Variants in TPPP observed in about 807,000 individuals in gnomAD.
The protein encoded by TPPP is tubulin polymerization-promoting protein.
In TPPP, 6 loss-of-function variants were observed where a neutral mutation model predicts 15.5. The ratio of observed to expected loss-of-function variants is 0.39; its 90% CI spans 0.21 to 0.77. The LOEUF is 0.77. Among genes scored for constraint, TPPP ranks in the 30% least tolerant of loss-of-function variants. The pLI, the probability that TPPP is intolerant of heterozygous loss-of-function variation, is 0.42. For synonymous variants in TPPP, 146 were observed against 133.9 expected, an observed-to-expected ratio of 1.09 and a Z score of -0.63; for missense variants, 269 against 307.2, an observed-to-expected ratio of 0.88 and a Z score of 0.93.
chr5:682,356 G>A (rs1236406525), intron 1 of TPPP, among the ~76,000 whole-genome samples: 2 of 143,922 alleles, frequency 1.4e-5, no homozygotes, highest in African/African-American at 2.9e-5. Context: ...CCTGGAGCCT[G>A]TTACTAGGGC....
intron 2 of TPPP, 62 bp downstream of exon 2, chr5:677,688 G>A: frequency 6.8e-7 from 1 of 1,467,870 alleles, no homozygotes; most frequent in South Asian, 1.3e-5. Context: ...ACCCACCCAG[G>A]GGCTCAGGGC....
rs763440458 is a variant in TPPP at position 668,586 on chromosome 5, G to A, written c.312-2463C>T. ...GGCACCTCGAGCTGAGCAGGCCGCGGGGTGGGGGCCTCGTCCACACCCGGC... is the reference window on the plus strand; with the variant it reads ...GGCACCTCGAGCTGAGCAGGCCGCGAGGTGGGGGCCTCGTCCACACCCGGC... On this transcript the variant is annotated intron_variant, in intron 2 of 3. Transcript: ENST00000360578. 1.7e-3 allele frequency among the ~76,000 whole-genome samples: 262 copies of A among 152,388 alleles called. 2 individuals are homozygous for A. Among genetic ancestry groups the A allele is most frequent in the Non-Finnish European group, 3.0e-3 (201 of 68,030 alleles).
chr5:660,657 A>G lies in TPPP; in HGVS notation c.*4445T>C, dbSNP rs899914688. On this transcript the variant is annotated 3_prime_UTR_variant, in exon 4 of 4. Transcript: ENST00000360578. ...AGGGACAGGTAAGTGTCCAGGGCCA[A>G]GGCATCTCCATCTCAACTCCTCCCC... is the stretch of plus-strand genomic sequence containing the variant. 4 of 152,460 alleles carry G rather than the reference A, an allele frequency of 2.6e-5. No homozygotes were observed. Among genetic ancestry groups the G allele is most frequent in the African/African-American group, 9.6e-5 (4 of 41,570 alleles). The allele number at this position is 152,460 out of a possible 1,614,324, so 9.4% of individuals were successfully genotyped here. A position where few individuals can be genotyped will look rare whatever the true frequency, so the allele number is the denominator to read the frequency against.
chr5:682,763 C>T (rs964921219), intron 1 of TPPP, among the ~76,000 whole-genome samples: 4 of 152,190 alleles, frequency 2.6e-5, no homozygotes, highest in Non-Finnish European at 4.4e-5. Flanking sequence ...GCGGGGGTGG[C>T]GCCGACAGAG....
intron 1 of TPPP, among the ~76,000 whole-genome samples, chr5:678,708 C>T (rs376019751): frequency 1.3e-5 from 2 of 151,896 alleles, no homozygotes; most frequent in African/African-American, 2.4e-5. Context: ...GGGGAGGGGA[C>T]TGCCAGTGTG....
upstream of TPPP, among the ~76,000 whole-genome samples, chr5:696,994 C>T (rs923784435): frequency 4.9e-5 from 7 of 143,186 alleles, no homozygotes; most frequent in Non-Finnish European, 7.8e-5. Context: ...GTGCATGTGT[C>T]TGTGTGCCTG....
intron 2 of TPPP, chr5:675,747 G>A (rs1437207411): frequency 6.5e-6 from 1 of 153,304 alleles, no homozygotes; most frequent in Non-Finnish European, 1.5e-5. Context: ...GGGCCCCAGG[G>A]ATGAGTGGTC....
intron 2 of TPPP, among the ~76,000 whole-genome samples, chr5:669,536 C>CCA (rs1358553201): frequency 1.3e-5 from 2 of 152,258 alleles, no homozygotes; most frequent in East Asian, 3.9e-4. Flanking sequence ...TCTTCTATTC[C>CCA]CACCCTGCCC....
In TPPP at chr5:665,519, C is replaced by T. The variant is rs562948253; in HGVS notation, c.466-223G>A. ...CAACCCTAACAATTGCCCAGGTCCACCTGGTGTTTATGTAGTTGGGGACCC... is the reference window on the plus strand; with the variant it reads ...CAACCCTAACAATTGCCCAGGTCCATCTGGTGTTTATGTAGTTGGGGACCC... On this transcript the variant is annotated intron_variant, in intron 3 of 3. Coordinates refer to ENST00000360578, the MANE Select transcript of TPPP (RefSeq NM_007030.3). Among the ~76,000 whole-genome samples the T allele has an allele frequency of 2.8e-4, 43 of 152,174 alleles. 1 individual carries two copies. The South Asian group carries it at 2.9e-3, about 10-fold the overall frequency.
In TPPP at chr5:664,976, C is replaced by G; in HGVS notation, c.*126G>C. On this transcript the variant is annotated 3_prime_UTR_variant, in exon 4 of 4. Transcript: ENST00000360578. ...AGGAGGGAGGCCTGGGCCTGGCCGC[C>G]CCCCAGCCCCCTCTGGGGCACCCGT... 1 of 1,193,406 alleles carries G rather than the reference C, an allele frequency of 8.4e-7. No homozygotes were observed. Among genetic ancestry groups the G allele is most frequent in the South Asian group, 1.5e-5 (1 of 66,880 alleles). The allele number at this position is 1,193,406 out of a possible 1,614,324, so 73.9% of individuals were successfully genotyped here.
chr5:698,521 C>A, the TPPP span, among the ~76,000 whole-genome samples: 9 of 152,020 alleles, frequency 5.9e-5, no homozygotes, highest in East Asian at 5.8e-4. Flanking sequence ...GGGAGGCCTC[C>A]CAGTCATGGT....
At chr5:666,193 T>C in intron 2 of TPPP, 70 bp from the exon 3 acceptor site, 5 of 1,548,922 alleles carry the variant, frequency 3.2e-6, no homozygotes, top group Non-Finnish European at 4.4e-6. Flanking sequence ...CGCGTGGGTC[T>C]GAGCAGAGCT....
At chr5:693,700 G>A (rs1709529), upstream of TPPP, among the ~76,000 whole-genome samples, 2 of 148,918 alleles carry the variant, frequency 1.3e-5, no homozygotes, top group African/African-American at 5.0e-5. Flanking sequence ...CGATCTCTCC[G>A]CCCCGCAGGA....
At chr5:672,478 C>T (rs11740553) in intron 2 of TPPP, among the ~76,000 whole-genome samples, 18,801 of 152,366 alleles carry the variant, frequency 0.12, 1,488 homozygotes, top group Non-Finnish European at 0.18. Flanking sequence ...CCAGCTGAGA[C>T]CGCAGCCCAG....
chr5:669,655 G>T (rs766426894), intron 2 of TPPP, among the ~76,000 whole-genome samples: 3 of 152,132 alleles, frequency 2.0e-5, no homozygotes, highest in Admixed American at 6.5e-5. Context: ...TGAGTCACTC[G>T]GCGGGAGGGG....
chr5:665,376 CA>C, intron 3 of TPPP, 80 bp from the exon 4 acceptor site: 1 of 1,377,198 alleles, frequency 7.3e-7, no homozygotes, highest in Admixed American at 2.1e-5. Flanking sequence ...GTGCCCTGGG[CA>C]GGTCTCCCAG....
At chr5:669,340 T>C (rs1254682067) in intron 2 of TPPP, among the ~76,000 whole-genome samples, 1 of 151,770 alleles carries the variant, frequency 6.6e-6, no homozygotes, top group African/African-American at 2.4e-5. Flanking sequence ...GTGTTGGGGG[T>C]GGATTTAGCC....
intron 1 of TPPP, among the ~76,000 whole-genome samples, chr5:693,037 C>A (rs1306401369): frequency 1.3e-5 from 2 of 149,820 alleles, no homozygotes; most frequent in African/African-American, 2.4e-5. Flanking sequence ...CGACGGTGAC[C>A]CCCGCTCGCG....
chr5:675,121 A>ACAGTGTGGCCAGGGGTG lies in TPPP; in HGVS notation c.311+2612_311+2628dup, dbSNP rs1201815825. Among the ~76,000 whole-genome samples the ACAGTGTGGCCAGGGGTG allele has an allele frequency of 3.9e-3, 96 of 24,820 alleles. 1 individual carries two copies. The highest frequency in any genetic ancestry group is 4.9e-3 in the Non-Finnish European group (66 of 13,344). The allele number at this position is 24,820 out of a possible 152,430, so 16.3% of individuals were successfully genotyped here. Reference sequence around the variant, plus strand: ...TGGTCAGGGGTGCAGCACGGGGGGTACAGTGTGGCCAGGGGTGCAGTGTGG... The same window carrying ACAGTGTGGCCAGGGGTG: ...TGGTCAGGGGTGCAGCACGGGGGGTACAGTGTGGCCAGGGGTGCAGTGTGGCCAGGGGTGCAGTGTGG... On this transcript the variant is annotated intron_variant, in intron 2 of 3. Transcript: ENST00000360578.
Sources: gnomAD v4.1 joint callset for allele counts (sites outside exome capture counted in the v4.1 genomes callset) on GRCh38, gnomAD v4.1.1 for gene constraint, MANE v1.5 for transcripts, NCBI Gene and HGNC (gene_info 2026-07-23, HGNC 2026-07-21) for gene names.